Variants in TRAP1 observed in about 807,000 individuals in gnomAD.
TRAP1 encodes the protein heat shock protein 75 kDa, mitochondrial.
TRAP1 carries 102 observed loss-of-function variants against 89.1 expected under a neutral mutation model. The ratio of observed to expected loss-of-function variants is 1.15; its 90% CI spans 0.98 to 1.35. TRAP1 has a LOEUF of 1.35. TRAP1 is among the 40% of genes most tolerant of loss of function. The pLI is 0.00. For missense variants in TRAP1, 1,256 were observed against 945.3 expected (o/e 1.33, Z -4.31); for synonymous variants, 508 against 388.0 (o/e 1.31, Z -3.64).
intron 5 of TRAP1, among the ~76,000 whole-genome samples, chr16:3,679,011 G>A (rs1256280582): frequency 6.6e-6 from 1 of 152,150 alleles, no homozygotes; most frequent in African/African-American, 2.4e-5. Context: ...TGGGTTTGAT[G>A]GTTCTGGTCA....
intron 3 of TRAP1, among the ~76,000 whole-genome samples, chr16:3,687,746 G>C (rs908579837): frequency 5.9e-5 from 9 of 151,938 alleles, no homozygotes; most frequent in African/African-American, 2.2e-4. Flanking sequence ...TCAGCCAGAG[G>C]CTGAGGAGGA....
At chr16:3,707,912 C>T (rs998268925) in intron 1 of TRAP1, among the ~76,000 whole-genome samples, 2 of 150,628 alleles carry the variant, frequency 1.3e-5, no homozygotes, top group East Asian at 2.0e-4. Context: ...GGGCCAGGCA[C>T]GACGGCTCCT....
chr16:3,708,110 A>G (rs1293742870), intron 1 of TRAP1, among the ~76,000 whole-genome samples: 2 of 151,838 alleles, frequency 1.3e-5, no homozygotes, highest in African/African-American at 4.8e-5. Flanking sequence ...AGGCAGGAGT[A>G]TCACTTGAGT....
intron 8 of TRAP1, 118 bp from the exon 9 acceptor site, chr16:3,674,612 C>T (rs375089842): frequency 1.1e-5 from 14 of 1,317,148 alleles, no homozygotes; most frequent in East Asian, 2.5e-5. Flanking sequence ...GACAGACGGG[C>T]GGTGGTCTCA....
chr16:3,717,467 GC>G lies in TRAP1; in HGVS notation c.41del (p.Arg14ProfsTer103). Reference sequence around the variant, plus strand: ...CCGGCGCCCGCAGCAAAGGCCGCAGGCGGCGGCCCCACAGCAGCAGCGCCCG... The same window carrying G: ...CCGGCGCCCGCAGCAAAGGCCGCAGGGGCGGCCCCACAGCAGCAGCGCCCG... Reference protein sequence around the residue: ...ELRALLLWGRRLRPLLRAPAL... With the variant: ...ELRALLLWGRXLRPLLRAPAL... On this transcript the variant is annotated frameshift_variant, in exon 1 of 18. Transcript: ENST00000246957. LOFTEE classifies it high-confidence loss of function. 1 of 1,305,010 alleles carries G rather than the reference GC, an allele frequency of 7.7e-7. No individual in the cohort carries two copies. Among genetic ancestry groups the G allele is most frequent in the South Asian group, 2.3e-5 (1 of 43,760 alleles). 80.8% of individuals were successfully genotyped at this position (1,305,010 alleles called of 1,614,324 possible).
chr16:3,662,200 C>G, intron 15 of TRAP1, 68 bp from the exon 16 acceptor site: 4 of 1,558,864 alleles, frequency 2.6e-6, no homozygotes, highest in Non-Finnish European at 3.5e-6. Flanking sequence ...AGGATCTTAC[C>G]AGGGGTGAAG....
chr16:3,685,428 G>A (rs1208246302), intron 4 of TRAP1, among the ~76,000 whole-genome samples: 1 of 151,942 alleles, frequency 6.6e-6, no homozygotes, highest in African/African-American at 2.4e-5. Flanking sequence ...CCCTAAAAGG[G>A]AATACTCAGA....
In TRAP1 at chr16:3,691,390, A is replaced by T. The variant is rs535425323; in HGVS notation, c.89-405T>A. On this transcript the variant is annotated intron_variant, in intron 1 of 17. Transcript: ENST00000246957. ...GACCACCATGCCCCCATAATTTTTT[A>T]AAAAATTTTTTGTAGAAATGGGGTT... Among the ~76,000 whole-genome samples the T allele has an allele frequency of 1.2e-3, 182 of 152,148 alleles. 1 individual carries two copies. The highest frequency in any genetic ancestry group is 2.1e-3 in the African/African-American group (86 of 41,534).
intron 2 of TRAP1, among the ~76,000 whole-genome samples, chr16:3,690,248 C>CT (rs2051195293): frequency 2.0e-5 from 3 of 152,100 alleles, no homozygotes; most frequent in Admixed American, 2.0e-4. Context: ...TCAAGCAATC[C>CT]TCCTGCCTCG....
chr16:3,697,223 CTTA>C (rs536430643), intron 1 of TRAP1, among the ~76,000 whole-genome samples: 46 of 152,254 alleles, frequency 3.0e-4, no homozygotes, highest in Middle Eastern at 3.4e-3. Flanking sequence ...TTACATTTCT[CTTA>C]TTATAAGCAA....
At chr16:3,677,452 T>TC (rs758451267) in intron 6 of TRAP1, 46 bp downstream of exon 6, 8 of 1,612,600 alleles carry the variant, frequency 5.0e-6, no homozygotes, top group Non-Finnish European at 6.8e-6. Flanking sequence ...TGCTAAGGGC[T>TC]CCAGCTCAGC....
In TRAP1 at chr16:3,658,176, C is replaced by CCATGGCCCTAGGGTCGTCAA; in HGVS notation, c.2048_2067dup (p.Val690LeufsTer11). On this transcript the variant is annotated frameshift_variant, in exon 18 of 18. Coordinates refer to ENST00000246957, the MANE Select transcript of TRAP1 (RefSeq NM_016292.3). LOFTEE classifies it high-confidence loss of function. ...ACAAGCAGCTCATTCAAGCGGCCCA[C>CCATGGCCCTAGGGTCGTCAA]CATGGCCCTAGGGTCGTCAACAAGT... The CCATGGCCCTAGGGTCGTCAA allele has an allele frequency of 1.2e-6, 2 of 1,614,114 alleles. No homozygotes were observed. The highest frequency in any genetic ancestry group is 8.5e-7 in the Non-Finnish European group (1 of 1,180,010).
rs2072379 is a variant in TRAP1, at chr16:3,688,886, C to T, written c.330+169G>A. On this transcript the variant is annotated intron_variant, in intron 3 of 17. Coordinates refer to ENST00000246957, the MANE Select transcript of TRAP1 (RefSeq NM_016292.3). ...GATACACTTATCCAGGAAACCAAAA[C>T]AGATTCTGGTAAAACTCCTCTCACT... Among the ~76,000 whole-genome samples the T allele has an allele frequency of 0.75, 113,638 of 152,118 alleles. 43,188 individuals are homozygous for T. The highest frequency in any genetic ancestry group is 0.89 in the African/African-American group (36,795 of 41,508).
chr16:3,661,627 C>G (rs1473860063), intron 16 of TRAP1: 1 of 225,144 alleles, frequency 4.4e-6, no homozygotes, highest in Non-Finnish European at 8.6e-6. Flanking sequence ...GGGCAACCCT[C>G]ATGCCAAGTG....
At chr16:3,683,084 G>A (rs368891291) in intron 4 of TRAP1, among the ~76,000 whole-genome samples, 1 of 151,918 alleles carries the variant, frequency 6.6e-6, no homozygotes, top group East Asian at 2.0e-4. Flanking sequence ...CAAGAGAATT[G>A]CTTGAACCCG....
At chr16:3,692,096 A>G (rs901285295) in intron 1 of TRAP1, among the ~76,000 whole-genome samples, 3 of 152,216 alleles carry the variant, frequency 2.0e-5, no homozygotes, top group Non-Finnish European at 2.9e-5. Context: ...TGATGGTGTC[A>G]AGGATATGTG....
intron 2 of TRAP1, 24 bp downstream of exon 2, chr16:3,690,803 G>A: frequency 7.3e-7 from 1 of 1,365,982 alleles, no homozygotes. Flanking sequence ...AGCCCTCCCA[G>A]ACCAAAGCAC....
At chr16:3,677,714 C>T (rs182698905) in intron 5 of TRAP1, 56 bp from the exon 6 acceptor site, 354 of 1,574,602 alleles carry the variant, frequency 2.2e-4, no homozygotes, top group Non-Finnish European at 2.9e-4. Flanking sequence ...GCAGACACTC[C>T]CAACACCGTG....
intron 15 of TRAP1, chr16:3,662,566 GGC>G: frequency 1.7e-6 from 1 of 586,344 alleles, no homozygotes; most frequent in South Asian, 1.7e-5. Flanking sequence ...AGCTCCTGAG[GGC>G]TGGGGTAGCA....
Sources: gnomAD v4.1 joint callset for allele counts (sites outside exome capture counted in the v4.1 genomes callset) on GRCh38, gnomAD v4.1.1 for gene constraint, MANE v1.5 for transcripts, NCBI Gene and HGNC (gene_info 2026-07-23, HGNC 2026-07-21) for gene names.